DENND2B: variants seen among roughly 807,000 people sequenced by gnomAD.
DENND2B encodes the protein DENN domain-containing protein 2B.
In DENND2B, 32 loss-of-function variants were observed where a neutral mutation model predicts 116.0. The ratio of observed to expected loss-of-function variants is 0.28; its 90% CI spans 0.21 to 0.37. The LOEUF is 0.37. DENND2B is among the 10% of genes least tolerant of loss of function. The probability of loss-of-function intolerance (pLI) is 1.00; values close to 1 mark genes in which losing one functional copy is unlikely to be tolerated. For synonymous variants in DENND2B, 588 were observed against 583.9 expected, an observed-to-expected ratio of 1.01 and a Z score of -0.10; for missense variants, 1,276 against 1,477.7, an observed-to-expected ratio of 0.86 and a Z score of 2.24.
rs937733663 is a variant in DENND2B, at chr11:8,707,668, C to G, written c.2430+109G>C. ...TGGTACTTGTTCCTGCATTCTGTCTCCCGCTCGCTCACAGTCACAGGTGGT... is the reference window on the plus strand; with the variant it reads ...TGGTACTTGTTCCTGCATTCTGTCTGCCGCTCGCTCACAGTCACAGGTGGT... On this transcript the variant is annotated intron_variant, in intron 12 of 19. Transcript: ENST00000313726. This position sits in a 1 kb window ranked among gnomAD's most constrained non-coding sequence, Gnocchi z 4.8. The G allele has an allele frequency of 9.5e-7, 1 of 1,054,206 alleles. No homozygotes were observed. The highest frequency in any genetic ancestry group is 1.6e-5 in the African/African-American group (1 of 63,228). The allele number at this position is 1,054,206 out of a possible 1,614,324, so 65.3% of individuals were successfully genotyped here.
chr11:8,765,288 G>GC (rs1398270743), intron 1 of DENND2B, among the ~76,000 whole-genome samples: 2 of 152,182 alleles, frequency 1.3e-5, no homozygotes, highest in African/African-American at 4.8e-5. Context: ...TTTAAACAGA[G>GC]CAAGTGCTAC....
intron 2 of DENND2B, among the ~76,000 whole-genome samples, chr11:8,731,510 GC>G (rs1237206073): frequency 6.6e-6 from 1 of 152,120 alleles, no homozygotes. Flanking sequence ...TCTAACATCT[GC>G]CAGTAAGAGG....
At chr11:8,713,283 C>T (rs2044098163) in intron 8 of DENND2B, among the ~76,000 whole-genome samples, 1 of 152,144 alleles carries the variant, frequency 6.6e-6, no homozygotes, top group Non-Finnish European at 1.5e-5. Context: ...AGATGGGGGA[C>T]TGCAGGGCCT....
In DENND2B at chr11:8,869,676, T is replaced by A. The variant is rs534359634; in HGVS notation, c.-250+1278A>T. Among the ~76,000 whole-genome samples, 973 of 150,966 alleles carry A rather than the reference T, an allele frequency of 6.4e-3. 14 individuals carry two copies. Among genetic ancestry groups the A allele is most frequent in the African/African-American group, 0.023 (932 of 41,188 alleles). ...GTCTCGAAAAAAAAAAAGAAAAAAA[T>A]TTTTTAAATAAAAAATATATGCCAG... On this transcript the variant is annotated intron_variant, in intron 2 of 6. Transcript: ENST00000524757.
chr11:8,697,308 G>C (rs941696716), intron 17 of DENND2B, among the ~76,000 whole-genome samples: 2 of 152,266 alleles, frequency 1.3e-5, no homozygotes, highest in African/African-American at 4.8e-5. Context: ...GGAATAATTA[G>C]TTTTCTGTCA....
In DENND2B at chr11:8,715,740, G is replaced by A; in HGVS notation, c.1708C>T (p.Pro570Ser). The change falls in exon 6 of 20, where the codon CCC becomes TCC. Residue 570 changes from proline (P) to serine (S), a missense_variant. Coordinates refer to ENST00000313726, the MANE Select transcript of DENND2B (RefSeq NM_213618.2). ...ATGTCGTCATGGCTGTGCCTCTTGG[G>A]TAATCGTGGCAGCCGGTGGCTCTTC... ...ERKSHRLPRL[P>S]KRHSHDDMLL... The A allele has an allele frequency of 6.2e-7, 1 of 1,614,174 alleles. No individual in the cohort carries two copies. Among genetic ancestry groups the A allele is most frequent in the Non-Finnish European group, 8.5e-7 (1 of 1,179,982 alleles).
chr11:8,906,973 G>C (rs1040764646), intron 1 of DENND2B, among the ~76,000 whole-genome samples: 4 of 152,194 alleles, frequency 2.6e-5, no homozygotes, highest in Admixed American at 2.0e-4. Context: ...TTGCATCCTG[G>C]GTTTTTAACC....
At chr11:8,787,904 A>T (rs2059057570) in intron 1 of DENND2B, among the ~76,000 whole-genome samples, 1 of 152,154 alleles carries the variant, frequency 6.6e-6, no homozygotes, top group Non-Finnish European at 1.5e-5. Context: ...TGACACCTAC[A>T]ATGTGCTTCT....
chr11:8,889,151 C>A (rs1421444298), intron 1 of DENND2B, among the ~76,000 whole-genome samples: 1 of 152,082 alleles, frequency 6.6e-6, no homozygotes, highest in Non-Finnish European at 1.5e-5. Flanking sequence ...GCATTATTTG[C>A]AATAGCTAAA....
chr11:8,765,971 G>A (rs2055677880), intron 1 of DENND2B, among the ~76,000 whole-genome samples: 3 of 152,022 alleles, frequency 2.0e-5, no homozygotes, highest in African/African-American at 2.4e-5. Flanking sequence ...CCTGGGAGGC[G>A]GAGGATACAG....
At chr11:8,839,240 C>A (rs79757644) in intron 4 of DENND2B, 4 of 152,110 alleles carry the variant, frequency 2.6e-5, no homozygotes, top group Admixed American at 2.0e-4. Context: ...GGATCTTTGC[C>A]GGGGGAACTG....
intron 4 of DENND2B, among the ~76,000 whole-genome samples, chr11:8,832,290 C>A (rs1464463213): frequency 6.6e-6 from 1 of 151,946 alleles, no homozygotes. Flanking sequence ...GTCTCTAGTA[C>A]AAAATACAAA....
At chr11:8,788,603 G>A (rs2059118832) in intron 1 of DENND2B, among the ~76,000 whole-genome samples, 1 of 152,076 alleles carries the variant, frequency 6.6e-6, no homozygotes, top group South Asian at 2.1e-4. Flanking sequence ...CACACACCAG[G>A]CTCTCCCTGA....
At chr11:8,795,082 T>C (rs1039358730) in intron 1 of DENND2B, among the ~76,000 whole-genome samples, 1 of 152,146 alleles carries the variant, frequency 6.6e-6, no homozygotes, top group Non-Finnish European at 1.5e-5. Flanking sequence ...ATGCCACCAA[T>C]CCTAATGAAA....
At chr11:8,832,227 C>T (rs34033747) in intron 4 of DENND2B, among the ~76,000 whole-genome samples, 36,689 of 151,960 alleles carry the variant, frequency 0.24, 4,917 homozygotes, top group Middle Eastern at 0.43. Flanking sequence ...CCGAGGTGGG[C>T]GGATCACAAG....
chr11:8,797,687 C>T (rs1451496933), intron 1 of DENND2B, among the ~76,000 whole-genome samples: 2 of 151,934 alleles, frequency 1.3e-5, no homozygotes, highest in South Asian at 2.1e-4. Flanking sequence ...TGGGTTCCAG[C>T]GATCCTCCCG....
At chr11:8,714,469 C>T in intron 7 of DENND2B, 141 bp downstream of exon 7, 1 of 705,598 alleles carries the variant, frequency 1.4e-6, no homozygotes, top group Admixed American at 2.7e-5. Context: ...CCATCCCAGA[C>T]CTTTCTTCCC....
intron 3 of DENND2B, among the ~76,000 whole-genome samples, chr11:8,850,346 C>T (rs975833565): frequency 2.0e-5 from 3 of 151,920 alleles, no homozygotes; most frequent in African/African-American, 7.3e-5. Flanking sequence ...GGAATCAACA[C>T]AATAGTAAGA....
chr11:8,694,251 T>C, intron 19 of DENND2B, 121 bp from the exon 20 acceptor site: 1 of 1,179,506 alleles, frequency 8.5e-7, no homozygotes, highest in South Asian at 1.4e-5. Flanking sequence ...GACTGGATTA[T>C]AACTGTGATC....
Sources: gnomAD v4.1 joint callset for allele counts (sites outside exome capture counted in the v4.1 genomes callset) on GRCh38, gnomAD v4.1.1 for gene constraint, Gnocchi (gnomAD v3.1) non-coding constraint, MANE v1.5 for transcripts, NCBI Gene and HGNC (gene_info 2026-07-23, HGNC 2026-07-21) for gene names.